COX7B2: variants seen among roughly 807,000 people sequenced by gnomAD.
COX7B2 encodes the protein cytochrome c oxidase subunit 7B2.
For missense variants in COX7B2, 109 were observed against 95.9 expected (o/e 1.14, Z -0.57); for synonymous variants, 37 against 32.1 (o/e 1.15, Z -0.51).
chr4:46,837,446 A>G (rs1357669387), intron 2 of COX7B2, among the ~76,000 whole-genome samples: 1 of 152,104 alleles, frequency 6.6e-6, no homozygotes, highest in Non-Finnish European at 1.5e-5. Context: ...TTCTACTTAT[A>G]TGAAACATCT....
intron 2 of COX7B2, among the ~76,000 whole-genome samples, chr4:46,763,465 TC>T (rs1407745807): frequency 1.3e-5 from 2 of 151,694 alleles, no homozygotes; most frequent in Non-Finnish European, 2.9e-5. Flanking sequence ...TGAAACATTT[TC>T]CAGAGGACTA....
chr4:46,818,140 A>C (rs1719648601), intron 2 of COX7B2, among the ~76,000 whole-genome samples: 1 of 152,164 alleles, frequency 6.6e-6, no homozygotes, highest in Admixed American at 6.5e-5. Flanking sequence ...AGAATAGGTA[A>C]AGGAAAAGAT....
At chr4:46,835,926 A>G (rs574385461) in intron 2 of COX7B2, among the ~76,000 whole-genome samples, 2 of 152,332 alleles carry the variant, frequency 1.3e-5, no homozygotes, top group Non-Finnish European at 2.9e-5. Flanking sequence ...ACTGTGGGCA[A>G]CTATAACTCG....
intron 2 of COX7B2, among the ~76,000 whole-genome samples, chr4:46,832,716 CAGTT>C (rs1715228743): frequency 6.6e-6 from 1 of 152,062 alleles, no homozygotes; most frequent in African/African-American, 2.4e-5. Context: ...GATTCTTGTT[CAGTT>C]AGTTCACTTA....
At chr4:46,826,721 C>A (rs375715397) in intron 2 of COX7B2, among the ~76,000 whole-genome samples, 1 of 152,020 alleles carries the variant, frequency 6.6e-6, no homozygotes, top group South Asian at 2.1e-4. Flanking sequence ...GAACATGGAT[C>A]GAGCTACAGG....
intron 2 of COX7B2, among the ~76,000 whole-genome samples, chr4:46,825,911 A>G (rs190175255): frequency 2.6e-5 from 4 of 152,308 alleles, no homozygotes; most frequent in Admixed American, 2.0e-4. Context: ...TGTAAAACCC[A>G]AAACTATAAA....
At chr4:46,843,759 G>C (rs1716093302) in intron 2 of COX7B2, among the ~76,000 whole-genome samples, 1 of 151,900 alleles carries the variant, frequency 6.6e-6, no homozygotes, top group Non-Finnish European at 1.5e-5. Context: ...GAGACAATTA[G>C]GGAAAATAAT....
At chr4:46,828,422 A>T (rs575803246) in intron 2 of COX7B2, among the ~76,000 whole-genome samples, 2 of 152,216 alleles carry the variant, frequency 1.3e-5, no homozygotes, top group Non-Finnish European at 2.9e-5. Context: ...ACCAAATGTT[A>T]GAAAGTATAA....
At chr4:46,762,533 C>T (rs1286699977) in intron 2 of COX7B2, among the ~76,000 whole-genome samples, 4 of 143,126 alleles carry the variant, frequency 2.8e-5, no homozygotes, top group Non-Finnish European at 6.0e-5. Flanking sequence ...CTGAGGGCAG[C>T]CATTATTAAT....
At chr4:46,850,663 C>T (rs1335522050) in intron 1 of COX7B2, among the ~76,000 whole-genome samples, 1 of 152,100 alleles carries the variant, frequency 6.6e-6, no homozygotes, top group African/African-American at 2.4e-5. Flanking sequence ...AAATTACTAA[C>T]ACTGTAAAGA....
chr4:46,875,661 C>T (rs1289348427), intron 1 of COX7B2, among the ~76,000 whole-genome samples: 1 of 151,964 alleles, frequency 6.6e-6, no homozygotes, highest in Admixed American at 6.6e-5. Flanking sequence ...AAACAGCATC[C>T]CATTTTAGTT....
chr4:46,888,477 T>C (rs980021951), intron 1 of COX7B2, among the ~76,000 whole-genome samples: 1 of 151,922 alleles, frequency 6.6e-6, no homozygotes, highest in Non-Finnish European at 1.5e-5. Flanking sequence ...GGAGTCTTGA[T>C]CTGTTGCCCA....
chr4:46,811,111 T>G (rs1719263795), intron 2 of COX7B2, among the ~76,000 whole-genome samples: 1 of 152,196 alleles, frequency 6.6e-6, no homozygotes, highest in South Asian at 2.1e-4. Context: ...CAGTTTGGTT[T>G]TAATGTGCCT....
chr4:46,785,603 C>T (rs1238769167), intron 2 of COX7B2, among the ~76,000 whole-genome samples: 1 of 152,142 alleles, frequency 6.6e-6, no homozygotes, highest in South Asian at 2.1e-4. Flanking sequence ...GATTAGATTT[C>T]TTCATATCAT....
At chr4:46,801,025 A>T (rs1475182388) in intron 2 of COX7B2, among the ~76,000 whole-genome samples, 1 of 152,234 alleles carries the variant, frequency 6.6e-6, no homozygotes, top group East Asian at 1.9e-4. Context: ...AATAAAATCA[A>T]AACTCCAATA....
intron 1 of COX7B2, among the ~76,000 whole-genome samples, chr4:46,883,916 T>C (rs1718904889): frequency 6.6e-6 from 1 of 152,174 alleles, no homozygotes; most frequent in Non-Finnish European, 1.5e-5. Flanking sequence ...ATGTTACAAC[T>C]AGTCTGGAGA....
chr4:46,761,359 A>G (rs998360084), intron 2 of COX7B2, among the ~76,000 whole-genome samples: 1 of 152,192 alleles, frequency 6.6e-6, no homozygotes, highest in Non-Finnish European at 1.5e-5. Flanking sequence ...TATCCATTAA[A>G]GAGCTGGCAC....
chr4:46,806,673 A>G (rs1719015648), intron 2 of COX7B2, among the ~76,000 whole-genome samples: 1 of 152,024 alleles, frequency 6.6e-6, no homozygotes, highest in Non-Finnish European at 1.5e-5. Context: ...CCCCTAACTT[A>G]CATCTCCCAG....
Position 46,895,505 on chromosome 4 carries a change from GGAA to G in COX7B2, c.-105+13652_-105+13654del, listed in dbSNP as rs563905448. Among the ~76,000 whole-genome samples the G allele has an allele frequency of 1.4e-3, 211 of 152,112 alleles. 3 individuals are homozygous for G. Among genetic ancestry groups the G allele is most frequent in the African/African-American group, 4.9e-3 (203 of 41,504 alleles). On this transcript the variant is annotated intron_variant, in intron 1 of 2. Transcript: ENST00000355591. ...ACCTACTTGAGGGTGGAGAGTAAGA[GGAA>G]GAAGAAGAACAGAAAAAAAATAACT...
Sources: allele counts gnomAD v4.1 joint callset (sites outside exome capture counted in the v4.1 genomes callset), GRCh38; gene constraint gnomAD v4.1.1; transcripts MANE v1.5; gene names NCBI Gene and HGNC (gene_info 2026-07-23, HGNC 2026-07-21).